Variants in ANO1 observed in about 807,000 individuals in gnomAD.
ANO1 encodes the protein anoctamin 1.
ANO1 carries 59 observed loss-of-function variants against 124.0 expected under a neutral mutation model. That is an observed-to-expected ratio of 0.48 (90% CI 0.39 to 0.59). ANO1 has a LOEUF of 0.59. ANO1 is among the 20% of genes least tolerant of loss of function. The probability of loss-of-function intolerance (pLI) is 0.00; values close to 1 mark genes in which losing one functional copy is unlikely to be tolerated. For synonymous variants in ANO1, 529 were observed against 532.0 expected (o/e 0.99, Z 0.08); for missense variants, 1,059 against 1,328.0 (o/e 0.80, Z 3.15).
upstream of ANO1, among the ~76,000 whole-genome samples, chr11:70,073,893 G>A (rs1555009681): frequency 7.5e-6 from 1 of 132,498 alleles, no homozygotes; most frequent in East Asian, 2.1e-4. Context: ...GCGTTTCTGA[G>A]CTTCGGCCGG....
intron 25 of ANO1, among the ~76,000 whole-genome samples, chr11:70,186,359 G>GAAGGA (rs2049123769): frequency 8.7e-6 from 1 of 114,774 alleles, no homozygotes; most frequent in Non-Finnish European, 2.1e-5. Flanking sequence ...AGGGAGGAAG[G>GAAGGA]AAGGAAGGAA....
intron 9 of ANO1, 129 bp from the exon 10 acceptor site, chr11:70,125,932 C>A (rs1344168975): frequency 2.5e-6 from 3 of 1,203,260 alleles, no homozygotes; most frequent in Non-Finnish European, 3.5e-6. Context: ...GGACCCCACT[C>A]TCTGCTTCTG....
upstream of ANO1, among the ~76,000 whole-genome samples, chr11:69,984,690 G>C (rs1291334114): frequency 6.6e-6 from 1 of 152,158 alleles, no homozygotes; most frequent in Non-Finnish European, 1.5e-5. Flanking sequence ...CTGTCCTCCA[G>C]GGGTAGCCGG....
At chr11:69,972,724 G>A in the ANO1 span, among the ~76,000 whole-genome samples, 2 of 152,130 alleles carry the variant, frequency 1.3e-5, no homozygotes, top group East Asian at 3.9e-4. Flanking sequence ...GCCTCAGAGA[G>A]TTCGGCATGT....
At chr11:70,153,830 A>G (rs571652436) in intron 14 of ANO1, among the ~76,000 whole-genome samples, 4 of 152,092 alleles carry the variant, frequency 2.6e-5, no homozygotes, top group Non-Finnish European at 4.4e-5. Flanking sequence ...CAATGGCATG[A>G]TCTCGGCTCA....
intron 13 of ANO1, 130 bp from the exon 14 acceptor site, chr11:70,152,927 A>C: frequency 1.4e-6 from 1 of 726,606 alleles, no homozygotes; most frequent in Non-Finnish European, 2.3e-6. Context: ...AATATTCAGC[A>C]GCCAACTATG....
chr11:70,143,618 A>G (rs2047238789), intron 11 of ANO1, among the ~76,000 whole-genome samples: 1 of 152,140 alleles, frequency 6.6e-6, no homozygotes, highest in Admixed American at 6.5e-5. Context: ...CTGCATTTTA[A>G]CAAGCTCCCT....
intron 1 of ANO1, among the ~76,000 whole-genome samples, chr11:70,069,359 C>T (rs1356479386): frequency 3.6e-4 from 55 of 152,186 alleles, no homozygotes; most frequent in Admixed American, 3.3e-3. Context: ...GAGGAGTGGA[C>T]GGCCAAGCAC....
chr11:70,159,479 C>A (rs941975015), intron 16 of ANO1, among the ~76,000 whole-genome samples: 4 of 152,222 alleles, frequency 2.6e-5, no homozygotes, highest in Non-Finnish European at 5.9e-5. Context: ...TACTGGTAAA[C>A]CCCTGTCACA....
chr11:69,993,237 C>A (rs1856190362), intron 1 of ANO1, among the ~76,000 whole-genome samples: 2 of 152,222 alleles, frequency 1.3e-5, no homozygotes, highest in South Asian at 2.1e-4. Context: ...AGACTTAATT[C>A]TTTCCCTTTT....
At chr11:70,154,458 GTCTTTTTTTTT>G (rs1276287656) in intron 14 of ANO1, among the ~76,000 whole-genome samples, 1 of 122,328 alleles carries the variant, frequency 8.2e-6, no homozygotes, top group Non-Finnish European at 1.7e-5. Flanking sequence ...AAGGAAGTAT[GTCTTTTTTTTT>G]TTTTTTTTTT....
chr11:70,178,017 A>G (rs1419856633), intron 22 of ANO1, among the ~76,000 whole-genome samples: 1 of 152,236 alleles, frequency 6.6e-6, no homozygotes, highest in Non-Finnish European at 1.5e-5. Context: ...ACCGCTTTGC[A>G]GCCTCTGCTC....
intron 22 of ANO1, among the ~76,000 whole-genome samples, chr11:70,176,139 G>GTATATATATATATATA (rs371250706): frequency 6.7e-4 from 98 of 146,514 alleles, no homozygotes; most frequent in African/African-American, 2.4e-3. Flanking sequence ...CAGATTATGG[G>GTATATATATATATATA]TATATATATA....
the ANO1 span, among the ~76,000 whole-genome samples, chr11:69,975,083 G>A: frequency 1.3e-5 from 2 of 152,124 alleles, no homozygotes; most frequent in South Asian, 2.1e-4. Context: ...CCCCACAACC[G>A]CACGTGGCTA....
intron 1 of ANO1, among the ~76,000 whole-genome samples, chr11:70,024,885 G>A (rs1392050392): frequency 6.6e-6 from 1 of 152,148 alleles, no homozygotes; most frequent in Non-Finnish European, 1.5e-5. Flanking sequence ...ATGAGCTTGT[G>A]AGACAGGGAC....
At chr11:70,167,538 C>T (rs1327207926) in intron 21 of ANO1, among the ~76,000 whole-genome samples, 151 bp downstream of exon 21, 1 of 152,344 alleles carries the variant, frequency 6.6e-6, no homozygotes. Flanking sequence ...AAGAGAGATG[C>T]AGACCCTGGG....
chr11:70,182,744 C>T (rs2048976421), intron 24 of ANO1, 58 bp downstream of exon 24: 1 of 1,369,470 alleles, frequency 7.3e-7, no homozygotes, highest in Non-Finnish European at 9.6e-7. Context: ...CTGGGAGAGC[C>T]TGGGTTTGGA....
intron 1 of ANO1, among the ~76,000 whole-genome samples, chr11:70,084,574 G>A (rs1213934916): frequency 1.3e-5 from 2 of 152,142 alleles, no homozygotes; most frequent in Non-Finnish European, 2.9e-5. Context: ...CCCAGGCCTT[G>A]CAGCTGGAGA....
intron 19 of ANO1, 92 bp from the exon 20 acceptor site, chr11:70,165,378 C>G: frequency 9.3e-7 from 1 of 1,079,796 alleles, no homozygotes; most frequent in South Asian, 1.3e-5. Flanking sequence ...GGACGCAGGT[C>G]AACCCACAGC....
Sources: gnomAD v4.1 joint callset for allele counts (sites outside exome capture counted in the v4.1 genomes callset) on GRCh38, gnomAD v4.1.1 for gene constraint, MANE v1.5 for transcripts, NCBI Gene and HGNC (gene_info 2026-07-23, HGNC 2026-07-21) for gene names.